The following GRB2 variants were observed in gnomAD, a reference collection of about 807,000 sequenced individuals.
The protein encoded by GRB2 is growth factor receptor bound protein 2, also known as growth factor receptor-bound protein 2.
A neutral mutation model predicts 27.4 loss-of-function variants in GRB2; 2 were observed. The observed-to-expected ratio is 0.07, with a 90% confidence interval of 0.03 to 0.23. The LOEUF is 0.23. Among genes scored for constraint, GRB2 ranks in the 10% least tolerant of loss-of-function variants. The pLI is 1.00. For missense variants in GRB2, 102 were observed against 282.4 expected (o/e 0.36, Z 4.58); for synonymous variants, 94 against 99.6 (o/e 0.94, Z 0.33).
intron 1 of GRB2, among the ~76,000 whole-genome samples, chr17:75,397,816 A>AATTTATTTATTT (rs57166874): frequency 0.043 from 6,319 of 147,886 alleles, 421 homozygotes; most frequent in African/African-American, 0.14. Context: ...AATCACTCAA[A>AATTTATTTATTT]ATTTATTTAT....
intron 2 of GRB2, among the ~76,000 whole-genome samples, chr17:75,356,297 G>A (rs892510190): frequency 1.2e-4 from 18 of 152,058 alleles, no homozygotes; most frequent in African/African-American, 2.2e-4. Context: ...CAAGAGGTTC[G>A]CTGGAGCCCA....
At chr17:75,321,534 A>C in intron 5 of GRB2, 125 bp downstream of exon 5, 1 of 799,088 alleles carries the variant, frequency 1.3e-6, no homozygotes, top group East Asian at 2.4e-5. Context: ...GGAGCACAGA[A>C]GCCCCAGCGG....
Position 75,335,909 on chromosome 17 carries a change from G to T in GRB2, c.79-3112C>A, listed in dbSNP as rs935942451. On this transcript the variant is annotated intron_variant, in intron 2 of 5. Coordinates refer to ENST00000316804, the MANE Select transcript of GRB2 (RefSeq NM_002086.5). The stretch of plus-strand genomic sequence containing the variant: ...TTTAAGTCTTCATTTTAAAAACACT[G>T]CATTGTGCTGCAGCCAGCAATGGTG... 4.0e-4 allele frequency among the ~76,000 whole-genome samples: 61 copies of T among 152,128 alleles called. 1 individual carries two copies. Among genetic ancestry groups the T allele is most frequent in the Non-Finnish European group, 1.2e-4 (8 of 68,030 alleles).
intron 2 of GRB2, among the ~76,000 whole-genome samples, chr17:75,368,916 A>G (rs1342877765): frequency 1.3e-5 from 2 of 152,124 alleles, no homozygotes; most frequent in Non-Finnish European, 2.9e-5. Context: ...CTTCTCATAT[A>G]CTTGCTGTTT....
intron 2 of GRB2, chr17:75,370,904 C>A (rs1042907165): frequency 6.6e-6 from 1 of 152,180 alleles, no homozygotes; most frequent in African/African-American, 2.4e-5. Context: ...CTTTCTTACC[C>A]ATGTTTGGAC....
chr17:75,380,100 A>G (rs2078918171), intron 2 of GRB2, among the ~76,000 whole-genome samples: 1 of 152,260 alleles, frequency 6.6e-6, no homozygotes, highest in Non-Finnish European at 1.5e-5. Context: ...TTATCTTATT[A>G]GATTCTACAA....
rs569080042 is a variant in GRB2 at position 75,323,166 on chromosome 17, CAATG to C, written c.300-1343_300-1340del. Among the ~76,000 whole-genome samples, 61 of 148,414 alleles carry C rather than the reference CAATG, an allele frequency of 4.1e-4. No individual in the cohort carries two copies. In the East Asian group the frequency reaches 0.01, roughly 25 times the overall value. On this transcript the variant is annotated intron_variant, in intron 4 of 5. Coordinates refer to ENST00000316804, the MANE Select transcript of GRB2 (RefSeq NM_002086.5). ...AAGGCATTCTCTGAGAGTGCTTGTT[CAATG>C]AATGAATGAGTCCCTCCTCTCCTTC...
chr17:75,392,053 C>G (rs527839645), intron 2 of GRB2, among the ~76,000 whole-genome samples: 1 of 152,292 alleles, frequency 6.6e-6, no homozygotes, highest in East Asian at 1.9e-4. Context: ...AGTAGCCCAT[C>G]TTATACCATC....
intron 2 of GRB2, among the ~76,000 whole-genome samples, chr17:75,377,114 G>A (rs1320356085): frequency 1.3e-5 from 2 of 151,694 alleles, no homozygotes; most frequent in Non-Finnish European, 2.9e-5. Flanking sequence ...ACCAGCCTGG[G>A]CAACATAGTG....
chr17:75,330,199 C>T (rs1310615567), intron 3 of GRB2, among the ~76,000 whole-genome samples: 1 of 151,624 alleles, frequency 6.6e-6, no homozygotes, highest in Non-Finnish European at 1.5e-5. Context: ...CTGACCAACA[C>T]AGTGAAACCC....
At chr17:75,355,044 G>T (rs1386168403) in intron 2 of GRB2, among the ~76,000 whole-genome samples, 5 of 152,158 alleles carry the variant, frequency 3.3e-5, no homozygotes, top group African/African-American at 1.2e-4. Flanking sequence ...CTGACCTCAG[G>T]TGATCCACCT....
At chr17:75,362,168 GAC>G (rs2078786896) in intron 2 of GRB2, among the ~76,000 whole-genome samples, 1 of 152,068 alleles carries the variant, frequency 6.6e-6, no homozygotes, top group Non-Finnish European at 1.5e-5. Flanking sequence ...GCCTCTCCAG[GAC>G]ACAGATACGT....
chr17:75,340,586 G>A (rs572171803), intron 2 of GRB2, among the ~76,000 whole-genome samples: 1 of 152,158 alleles, frequency 6.6e-6, no homozygotes, highest in Non-Finnish European at 1.5e-5. Context: ...CCTGGCTAGG[G>A]TAACAGTAAT....
At chr17:75,386,987 A>AACACAGTGAAACCCCATCTCT (rs200620473) in intron 2 of GRB2, among the ~76,000 whole-genome samples, 10 of 151,478 alleles carry the variant, frequency 6.6e-5, no homozygotes, top group African/African-American at 1.9e-4. Context: ...CATCCTGGCT[A>AACACAGTGAAACCCCATCTCT]ACTAAAAACA....
chr17:75,365,478 A>G (rs2078813038), intron 2 of GRB2, among the ~76,000 whole-genome samples: 1 of 152,206 alleles, frequency 6.6e-6, no homozygotes, highest in African/African-American at 2.4e-5. Context: ...TGCATTTTTA[A>G]TAAAAGTGAA....
At chr17:75,325,817 A>C in intron 4 of GRB2, 81 bp downstream of exon 4, 1 of 1,406,734 alleles carries the variant, frequency 7.1e-7, no homozygotes, top group Non-Finnish European at 1.0e-6. Context: ...TTTTGTGTGT[A>C]GCCAGGCACC....
rs138871203 is a variant in GRB2 at position 75,389,499 on chromosome 17, C to T, written c.78+4052G>A. On this transcript the variant is annotated intron_variant, in intron 2 of 5. Coordinates refer to ENST00000316804, the MANE Select transcript of GRB2 (RefSeq NM_002086.5). ...TGTGATCTTGGATAGATCATTTAAC[C>T]TATATGGGCCACCATTTCCTCATCT... Among the ~76,000 whole-genome samples, 43 of 152,274 alleles carry T rather than the reference C, an allele frequency of 2.8e-4. 1 individual carries two copies. In the East Asian group the frequency reaches 8.1e-3, roughly 29 times the overall value.
At chr17:75,374,002 A>G (rs1196718660) in intron 2 of GRB2, among the ~76,000 whole-genome samples, 6 of 151,478 alleles carry the variant, frequency 4.0e-5, no homozygotes, top group Admixed American at 3.3e-4. Flanking sequence ...TCACCGTGTT[A>G]GCCAGGATGG....
chr17:75,350,171 T>C (rs1374154087), intron 2 of GRB2, among the ~76,000 whole-genome samples: 1 of 149,504 alleles, frequency 6.7e-6, no homozygotes, highest in Non-Finnish European at 1.5e-5. Flanking sequence ...TGTGCTATGA[T>C]TGCACCTGTG....
Sources: allele counts gnomAD v4.1 joint callset (sites outside exome capture counted in the v4.1 genomes callset), GRCh38; gene constraint gnomAD v4.1.1; transcripts MANE v1.5; gene names NCBI Gene and HGNC (gene_info 2026-07-23, HGNC 2026-07-21).